PCDH15: variants seen among roughly 807,000 people sequenced by gnomAD.
PCDH15 encodes the protein protocadherin related 15.
In PCDH15, 129 loss-of-function variants were observed where a neutral mutation model predicts 178.5. That is an observed-to-expected ratio of 0.72 (90% CI 0.63 to 0.84). The LOEUF is 0.84. PCDH15 is among the 40% of genes least tolerant of loss of function. The probability of loss-of-function intolerance (pLI) is 0.00; values close to 1 mark genes in which losing one functional copy is unlikely to be tolerated. For synonymous variants in PCDH15, 800 were observed against 732.0 expected (o/e 1.09, Z -1.50); for missense variants, 2,230 against 2,099.9 (o/e 1.06, Z -1.21).
chr10:54,692,248 T>A (rs2135811026), intron 1 of PCDH15, among the ~76,000 whole-genome samples: 1 of 152,296 alleles, frequency 6.6e-6, no homozygotes, highest in South Asian at 2.1e-4. Context: ...TACCTGTCCA[T>A]CTCAAATTGA....
intron 3 of PCDH15, among the ~76,000 whole-genome samples, chr10:54,877,501 G>C (rs1171831988): frequency 6.6e-6 from 1 of 152,090 alleles, no homozygotes; most frequent in African/African-American, 2.4e-5. Flanking sequence ...CCTCTCTGAT[G>C]AATTATTTCC....
intron 19 of PCDH15, among the ~76,000 whole-genome samples, chr10:54,020,646 G>T (rs2092891587): frequency 6.8e-6 from 1 of 147,226 alleles, no homozygotes; most frequent in African/African-American, 2.7e-5. Flanking sequence ...GAGGGAGACA[G>T]TGAGAGGGAG....
chr10:54,261,221 A>G (rs533532909), intron 8 of PCDH15, among the ~76,000 whole-genome samples: 7 of 152,300 alleles, frequency 4.6e-5, no homozygotes, highest in African/African-American at 1.4e-4. Flanking sequence ...ATTGTAGGAT[A>G]ATAAATAGCT....
At chr10:53,878,496 T>C (rs1261473826) in intron 26 of PCDH15, among the ~76,000 whole-genome samples, 2 of 135,714 alleles carry the variant, frequency 1.5e-5, no homozygotes, top group South Asian at 2.1e-4. Context: ...AAATATATAA[T>C]ATATTATATA....
At chr10:55,431,162 A>G (rs542781308) in intron 2 of PCDH15, among the ~76,000 whole-genome samples, 1 of 152,348 alleles carries the variant, frequency 6.6e-6, no homozygotes, top group Admixed American at 6.5e-5. Context: ...AATGGATTCA[A>G]TACAAAAAAG....
chr10:54,011,053 CT>C lies in PCDH15; in HGVS notation c.2751+9138del, dbSNP rs2092566196. Among the ~76,000 whole-genome samples, 5 of 152,256 alleles carry C rather than the reference CT, an allele frequency of 3.3e-5. No homozygotes were observed. In the South Asian group the frequency reaches 1.0e-3, roughly 32 times the overall value. On this transcript the variant is annotated intron_variant, in intron 20 of 37. Coordinates refer to ENST00000644397, the MANE Select transcript of PCDH15 (RefSeq NM_001384140.1). ...CATATAGAGAGAAGCCCAGACTGTC[CT>C]CCCTGTGAATCCTCAACCTCCCGTT...
intron 1 of PCDH15, among the ~76,000 whole-genome samples, chr10:55,282,025 C>T (rs1842747219): frequency 6.6e-6 from 1 of 152,152 alleles, no homozygotes; most frequent in Non-Finnish European, 1.5e-5. Context: ...TCCATATTGA[C>T]TTTGGCTAAC....
chr10:55,323,548 T>A (rs1843957777), upstream of PCDH15, among the ~76,000 whole-genome samples: 1 of 152,092 alleles, frequency 6.6e-6, no homozygotes, highest in Non-Finnish European at 1.5e-5. Context: ...AGACATGGAG[T>A]CAAAGGAGAT....
At chr10:53,864,234 A>C (rs2079293006) in intron 27 of PCDH15, among the ~76,000 whole-genome samples, 1 of 152,122 alleles carries the variant, frequency 6.6e-6, no homozygotes, top group Admixed American at 6.6e-5. Flanking sequence ...CAGGGAATCT[A>C]AGGCCAATTC....
intron 3 of PCDH15, among the ~76,000 whole-genome samples, chr10:54,382,476 A>G (rs1589136712): frequency 6.6e-6 from 1 of 152,214 alleles, no homozygotes; most frequent in East Asian, 1.9e-4. Context: ...TGCCACCCAT[A>G]CAAGAGGATA....
At chr10:55,212,604 G>A (rs879741257) in intron 1 of PCDH15, among the ~76,000 whole-genome samples, 17 of 152,030 alleles carry the variant, frequency 1.1e-4, no homozygotes, top group Non-Finnish European at 2.1e-4. Flanking sequence ...ACTAAACAGA[G>A]CGCATGAACT....
intron 2 of PCDH15, among the ~76,000 whole-genome samples, chr10:55,092,420 TC>T (rs2132036836): frequency 6.6e-6 from 1 of 151,978 alleles, no homozygotes; most frequent in Admixed American, 6.6e-5. Context: ...AACATGCTAT[TC>T]TTTAAAGAAT....
chr10:55,270,159 A>G (rs1431555439), intron 1 of PCDH15, among the ~76,000 whole-genome samples: 1 of 152,148 alleles, frequency 6.6e-6, no homozygotes, highest in Non-Finnish European at 1.5e-5. Context: ...ATTTAAGTGC[A>G]AGGCCTCAAA....
chr10:54,438,110 A>C (rs766277329), intron 3 of PCDH15, among the ~76,000 whole-genome samples: 6 of 152,056 alleles, frequency 3.9e-5, no homozygotes, highest in African/African-American at 1.2e-4. Context: ...AAATTAAAAC[A>C]TTTTCCCTAC....
At chr10:54,121,541 T>C (rs1039713868) in intron 15 of PCDH15, among the ~76,000 whole-genome samples, 1 of 152,054 alleles carries the variant, frequency 6.6e-6, no homozygotes, top group African/African-American at 2.4e-5. Flanking sequence ...ACAAGATCAA[T>C]AGACTGTTAG....
At chr10:54,803,397 A>T (rs1952723357), upstream of PCDH15, among the ~76,000 whole-genome samples, 1 of 152,090 alleles carries the variant, frequency 6.6e-6, no homozygotes, top group Non-Finnish European at 1.5e-5. Context: ...CTGAACTTGC[A>T]TTTTACCACC....
chr10:54,677,453 T>C (rs568238214), intron 1 of PCDH15, among the ~76,000 whole-genome samples: 7 of 152,058 alleles, frequency 4.6e-5, no homozygotes, highest in Non-Finnish European at 7.4e-5. Context: ...TCAGATATAA[T>C]GATAATAGCG....
chr10:54,442,106 C>T (rs2075823623), intron 3 of PCDH15, among the ~76,000 whole-genome samples: 1 of 151,294 alleles, frequency 6.6e-6, no homozygotes, highest in Admixed American at 6.6e-5. Flanking sequence ...ATTATATTTT[C>T]CTGCATGTCT....
intron 2 of PCDH15, among the ~76,000 whole-genome samples, chr10:54,562,516 C>T (rs2088331985): frequency 6.6e-6 from 1 of 152,092 alleles, no homozygotes; most frequent in African/African-American, 2.4e-5. Flanking sequence ...TCATGTGATA[C>T]ACAGTAGCAC....
Sources: gnomAD v4.1 joint callset for allele counts (sites outside exome capture counted in the v4.1 genomes callset) on GRCh38, gnomAD v4.1.1 for gene constraint, MANE v1.5 for transcripts, NCBI Gene and HGNC (gene_info 2026-07-23, HGNC 2026-07-21) for gene names.